Variants in MEF2C observed in about 807,000 individuals in gnomAD.
MEF2C encodes the protein myocyte enhancer factor 2C.
In MEF2C, 6 loss-of-function variants were observed where a neutral mutation model predicts 50.5. That is an observed-to-expected ratio of 0.12 (90% CI 0.07 to 0.23). The LOEUF (loss-of-function observed/expected upper bound fraction) is 0.23. MEF2C is among the 10% of genes least tolerant of loss of function. The pLI, the probability that MEF2C is intolerant of heterozygous loss-of-function variation, is 1.00. For synonymous variants in MEF2C, 183 were observed against 228.0 expected (o/e 0.80, Z 1.78); for missense variants, 276 against 605.0 (o/e 0.46, Z 5.70).
intron 6 of MEF2C, chr5:88,734,829 C>CA (rs1268134696): frequency 5.1e-5 from 50 of 976,318 alleles, no homozygotes; most frequent in Non-Finnish European, 5.8e-5. Context: ...GAAGATTAGT[C>CA]ACATATTTTA....
chr5:88,844,100 G>A (rs1561302453), intron 1 of MEF2C, among the ~76,000 whole-genome samples: 1 of 152,112 alleles, frequency 6.6e-6, no homozygotes, highest in Admixed American at 6.5e-5. Context: ...ATGAGCCATC[G>A]CACCCCTGCG....
At chr5:88,803,140 T>C (rs535923009) in intron 3 of MEF2C, among the ~76,000 whole-genome samples, 106 of 152,310 alleles carry the variant, frequency 7.0e-4, no homozygotes, top group African/African-American at 2.3e-3. Context: ...CTGAAATGCA[T>C]AGGTAAATTT....
At chr5:88,729,458 A>C in intron 8 of MEF2C, 111 bp from the exon 9 acceptor site, 1 of 998,312 alleles carries the variant, frequency 1.0e-6, no homozygotes, top group African/African-American at 1.6e-5. Flanking sequence ...AAATCTCATG[A>C]AATTAATCAT....
At chr5:88,743,538 CA>C in intron 6 of MEF2C, 1 of 980,710 alleles carries the variant, frequency 1.0e-6, no homozygotes, top group Non-Finnish European at 1.2e-6. Flanking sequence ...ATTACAAAAA[CA>C]TAAGCAAAAT....
chr5:88,774,178 G>A (rs545278103), intron 3 of MEF2C, among the ~76,000 whole-genome samples: 46 of 152,338 alleles, frequency 3.0e-4, no homozygotes, highest in African/African-American at 1.0e-3. Flanking sequence ...GAAGTTGTTA[G>A]AGTTTCAGGA....
chr5:88,827,001 C>T (rs13180090), intron 1 of MEF2C: 20 of 150,416 alleles, frequency 1.3e-4, no homozygotes, highest in African/African-American at 4.7e-4. Flanking sequence ...AAAATGCCAA[C>T]CCAGATAAAA....
At chr5:88,771,042 G>A (rs1782173043) in intron 3 of MEF2C, among the ~76,000 whole-genome samples, 1 of 152,234 alleles carries the variant, frequency 6.6e-6, no homozygotes, top group South Asian at 2.1e-4. Context: ...CTACATGGCG[G>A]CAGGCAAGAG....
chr5:88,825,281 GT>G (rs1810366169), intron 1 of MEF2C, among the ~76,000 whole-genome samples: 1 of 144,376 alleles, frequency 6.9e-6, no homozygotes, highest in South Asian at 2.2e-4. Flanking sequence ...TTTTTTTTTA[GT>G]TTTTGGTGAT....
intron 1 of MEF2C, chr5:88,827,015 A>C (rs1185285449): frequency 1.3e-5 from 2 of 151,876 alleles, no homozygotes; most frequent in Non-Finnish European, 2.9e-5. Flanking sequence ...GATAAAAGAA[A>C]ACTAAAATGA....
chr5:88,779,056 A>C (rs990779872), intron 3 of MEF2C, among the ~76,000 whole-genome samples: 3 of 152,244 alleles, frequency 2.0e-5, no homozygotes, highest in Non-Finnish European at 1.5e-5. Context: ...TGGAAAATTG[A>C]AACTAAATAA....
rs978962874 is a variant in MEF2C at position 88,721,988 on chromosome 5, A to G, written c.*616T>C. ...CAGATTTATTTATTTATTTAATTAA[A>G]TATGTTAGCCCTCCAACTCCACATT... is the stretch of plus-strand genomic sequence containing the variant. On this transcript the variant is annotated 3_prime_UTR_variant, in exon 11 of 11. Coordinates refer to ENST00000504921, the MANE Select transcript of MEF2C (RefSeq NM_002397.5). 1 of 152,634 alleles carries G rather than the reference A, an allele frequency of 6.6e-6. No individual in the cohort carries two copies. Among genetic ancestry groups the G allele is most frequent in the Non-Finnish European group, 1.5e-5 (1 of 68,042 alleles). 9.5% of individuals were successfully genotyped at this position (152,634 alleles called of 1,614,324 possible).
chr5:88,837,097 G>A (rs180864200), intron 1 of MEF2C, among the ~76,000 whole-genome samples: 138 of 149,618 alleles, frequency 9.2e-4, no homozygotes, highest in Admixed American at 6.5e-3. Flanking sequence ...TCTTCTACAT[G>A]CTGAATGTCA....
intron 1 of MEF2C, among the ~76,000 whole-genome samples, chr5:88,862,762 T>C (rs887005327): frequency 2.0e-5 from 3 of 152,094 alleles, no homozygotes; most frequent in Admixed American, 6.6e-5. Flanking sequence ...GTCTAGGAAA[T>C]AGGGCAGGAG....
intron 10 of MEF2C, among the ~76,000 whole-genome samples, chr5:88,723,791 A>C (rs1265351887): frequency 6.6e-6 from 1 of 152,232 alleles, no homozygotes; most frequent in African/African-American, 2.4e-5. Flanking sequence ...TTGCCTAAGG[A>C]AAGCTTGTTG....
chr5:88,877,537 T>C (rs755344672), intron 1 of MEF2C, among the ~76,000 whole-genome samples: 13 of 152,028 alleles, frequency 8.6e-5, no homozygotes, highest in Admixed American at 3.3e-4. Context: ...AATGGTATTC[T>C]TTGTCATAGA....
At chr5:88,889,756 G>A (rs966487252) in intron 1 of MEF2C, among the ~76,000 whole-genome samples, 1 of 152,172 alleles carries the variant, frequency 6.6e-6, no homozygotes. Context: ...CTGTGGAAAC[G>A]GGCGGTGGCA....
intron 1 of MEF2C, among the ~76,000 whole-genome samples, chr5:88,893,331 T>C (rs867794063): frequency 1.3e-5 from 2 of 148,502 alleles, no homozygotes; most frequent in South Asian, 4.3e-4. Context: ...TTTTTTTTTT[T>C]ATGGAGTCTT....
chr5:88,802,637 C>T (rs928341782), intron 3 of MEF2C, among the ~76,000 whole-genome samples: 3 of 152,058 alleles, frequency 2.0e-5, no homozygotes, highest in African/African-American at 7.2e-5. Flanking sequence ...TTTGCAGAGA[C>T]GGAGTTTTGC....
upstream of MEF2C, chr5:88,883,309 G>GAGGAGGAGGA (rs1833549232): frequency 6.5e-6 from 1 of 153,386 alleles, no homozygotes; most frequent in Non-Finnish European, 1.5e-5. Flanking sequence ...GGAAGAGGAG[G>GAGGAGGAGGA]AGGAGGAGGA....
Sources: gnomAD v4.1 joint callset for allele counts (sites outside exome capture counted in the v4.1 genomes callset) on GRCh38, gnomAD v4.1.1 for gene constraint, MANE v1.5 for transcripts, NCBI Gene and HGNC (gene_info 2026-07-23, HGNC 2026-07-21) for gene names.